Variants in LYRM4 observed in about 807,000 individuals in gnomAD.
LYRM4 encodes LYR motif containing 4, also known as LYR motif-containing protein 4.
A neutral mutation model predicts 11.7 loss-of-function variants in LYRM4; 9 were observed. The observed-to-expected ratio is 0.77, with a 90% CI of 0.46 to 1.34. The LOEUF is 1.34. Among genes scored for constraint, LYRM4 ranks in the 40% most tolerant of loss-of-function variants. The pLI is 0.00. For missense variants in LYRM4, 133 were observed against 112.5 expected, an observed-to-expected ratio of 1.18 and a Z score of -0.82; for synonymous variants, 42 against 40.4, an observed-to-expected ratio of 1.04 and a Z score of -0.15.
the LYRM4 span, among the ~76,000 whole-genome samples, chr6:5,077,357 G>C: frequency 6.6e-6 from 1 of 152,214 alleles, no homozygotes; most frequent in Non-Finnish European, 1.5e-5. Flanking sequence ...TCTGTGGACA[G>C]GGAAGTTGAG....
intron 2 of LYRM4, among the ~76,000 whole-genome samples, chr6:5,153,802 C>T (rs1440089109): frequency 1.3e-5 from 2 of 152,146 alleles, no homozygotes; most frequent in East Asian, 1.9e-4. Context: ...AATGAAATGA[C>T]CATATATGCT....
At chr6:5,212,485 T>A (rs182562531) in intron 2 of LYRM4, among the ~76,000 whole-genome samples, 5 of 152,340 alleles carry the variant, frequency 3.3e-5, no homozygotes, top group Admixed American at 3.3e-4. Flanking sequence ...CACCCAGGTT[T>A]GTCCATTCTT....
chr6:5,082,799 G>A, the LYRM4 span, among the ~76,000 whole-genome samples: 7 of 152,070 alleles, frequency 4.6e-5, no homozygotes, highest in African/African-American at 1.4e-4. Context: ...CCTCAGCTCC[G>A]CCAGTTCCTC....
At chr6:5,097,584 C>A in the LYRM4 span, among the ~76,000 whole-genome samples, 1 of 152,168 alleles carries the variant, frequency 6.6e-6, no homozygotes, top group African/African-American at 2.4e-5. Context: ...TTCCTGAGCT[C>A]AAGGAATCCT....
chr6:5,126,158 A>G (rs1463307220), intron 2 of LYRM4, among the ~76,000 whole-genome samples: 1 of 152,208 alleles, frequency 6.6e-6, no homozygotes, highest in African/African-American at 2.4e-5. Flanking sequence ...TTTTGATAGA[A>G]GTATCCTAAG....
chr6:5,097,525 A>AT, the LYRM4 span, among the ~76,000 whole-genome samples: 1 of 152,070 alleles, frequency 6.6e-6, no homozygotes. Flanking sequence ...ATTTTTGTTG[A>AT]TTTTTTGTAG....
chr6:5,220,835 T>C (rs1762538045), intron 1 of LYRM4, among the ~76,000 whole-genome samples: 1 of 152,176 alleles, frequency 6.6e-6, no homozygotes, highest in South Asian at 2.1e-4. Flanking sequence ...CCTCCAGTTT[T>C]AGGTTTCTTT....
chr6:5,114,131 C>T (rs998144746), intron 2 of LYRM4, among the ~76,000 whole-genome samples: 3 of 152,184 alleles, frequency 2.0e-5, no homozygotes, highest in Non-Finnish European at 4.4e-5. Context: ...TGGGGGCACT[C>T]AAGTGCCTGC....
intron 1 of LYRM4, among the ~76,000 whole-genome samples, chr6:5,260,219 C>T (rs1197172904): frequency 1.3e-5 from 2 of 152,184 alleles, no homozygotes; most frequent in South Asian, 2.1e-4. Context: ...AGTGTGCCTT[C>T]AGCTTTGTCG....
the LYRM4 span, among the ~76,000 whole-genome samples, chr6:5,097,109 AAG>A: frequency 6.6e-6 from 1 of 152,258 alleles, no homozygotes; most frequent in Non-Finnish European, 1.5e-5. Flanking sequence ...TGTGGAGTCC[AAG>A]GTGAAGGAGC....
At chr6:5,208,618 T>A (rs184548615) in intron 2 of LYRM4, among the ~76,000 whole-genome samples, 44 of 152,318 alleles carry the variant, frequency 2.9e-4, no homozygotes, top group Non-Finnish European at 5.6e-4. Context: ...TTTATGCACA[T>A]CATCCTCGGA....
At chr6:5,249,417 G>A (rs1017225433) in intron 1 of LYRM4, among the ~76,000 whole-genome samples, 8 of 152,124 alleles carry the variant, frequency 5.3e-5, no homozygotes, top group Admixed American at 4.6e-4. Context: ...GGAAAGATAG[G>A]GTGAAAAGAA....
downstream of LYRM4, chr6:5,106,497 G>C (rs148634678): frequency 6.6e-6 from 1 of 152,276 alleles, no homozygotes; most frequent in Non-Finnish European, 1.5e-5. Context: ...TGAGATTAAC[G>C]GGAGAGGCTG....
intron 2 of LYRM4, among the ~76,000 whole-genome samples, chr6:5,171,323 C>T (rs1759414158): frequency 6.6e-6 from 1 of 152,206 alleles, no homozygotes; most frequent in African/African-American, 2.4e-5. Flanking sequence ...CTGTCAGGCA[C>T]AACACTAAAA....
the LYRM4 span, among the ~76,000 whole-genome samples, chr6:5,081,368 C>T: frequency 2.6e-5 from 4 of 152,312 alleles, no homozygotes; most frequent in South Asian, 8.3e-4. Flanking sequence ...ATTGTTTCTG[C>T]ACCTTTCAGG....
In LYRM4 at chr6:5,260,795, A is replaced by C. The variant is rs558642091; in HGVS notation, c.-62T>G. ...CGAGGTCCCAAGTACGACCCAACCC[A>C]CGAAACTCCAGCCTGTGCGGAAACC... On this transcript the variant is annotated 5_prime_UTR_variant, in exon 1 of 3. Transcript: ENST00000330636. 13 of 1,533,392 alleles carry C rather than the reference A, an allele frequency of 8.5e-6. No homozygotes were observed. The highest frequency in any genetic ancestry group is 2.8e-5 in the African/African-American group (2 of 72,706). 95.0% of individuals were successfully genotyped at this position (1,533,392 alleles called of 1,614,324 possible). A position where few individuals can be genotyped will look rare whatever the true frequency, so the allele number is the denominator to read the frequency against.
chr6:5,182,307 A>G (rs1760122929), intron 2 of LYRM4, among the ~76,000 whole-genome samples: 1 of 152,266 alleles, frequency 6.6e-6, no homozygotes, highest in Admixed American at 6.5e-5. Context: ...TAAATGTAGT[A>G]ACTGGTTTTG....
chr6:5,147,965 G>C (rs1393922386), intron 2 of LYRM4, among the ~76,000 whole-genome samples: 2 of 152,158 alleles, frequency 1.3e-5, no homozygotes, highest in Non-Finnish European at 2.9e-5. Context: ...TCTCCACATG[G>C]AGCGGGAAAA....
At chr6:5,129,518 C>G (rs1763848608) in intron 2 of LYRM4, among the ~76,000 whole-genome samples, 1 of 152,192 alleles carries the variant, frequency 6.6e-6, no homozygotes, top group Non-Finnish European at 1.5e-5. Context: ...CTGCCACTTT[C>G]TCTCTCTGTG....
Sources: allele counts gnomAD v4.1 joint callset (sites outside exome capture counted in the v4.1 genomes callset), GRCh38; gene constraint gnomAD v4.1.1; transcripts MANE v1.5; gene names NCBI Gene and HGNC (gene_info 2026-07-23, HGNC 2026-07-21).